EPHA5: variants seen among roughly 807,000 people sequenced by gnomAD.
The protein encoded by EPHA5 is ephrin type-A receptor 5.
In EPHA5, 60 loss-of-function variants were observed where a neutral mutation model predicts 105.0. That is an observed-to-expected ratio of 0.57 (90% CI 0.46 to 0.71). EPHA5 has a LOEUF of 0.71. Ranked by LOEUF, EPHA5 falls within the 30% of genes least tolerant of loss-of-function variation. EPHA5 has a pLI of 0.00. For synonymous variants in EPHA5, 513 were observed against 449.1 expected, an observed-to-expected ratio of 1.14 and a Z score of -1.80; for missense variants, 1,218 against 1,274.7, an observed-to-expected ratio of 0.96 and a Z score of 0.68.
chr4:65,418,295 C>T (rs1463166659), intron 6 of EPHA5, among the ~76,000 whole-genome samples: 1 of 152,074 alleles, frequency 6.6e-6, no homozygotes, highest in African/African-American at 2.4e-5. Flanking sequence ...AAATATAAAC[C>T]TTAATTTTAC....
Position 65,490,610 on chromosome 4 carries a change from G to A in EPHA5, c.1169C>T (p.Ser390Leu), listed in dbSNP as rs1301461151. The A allele has an allele frequency of 6.2e-7, 1 of 1,614,000 alleles. No individual in the cohort carries two copies. ...GCACTTCTTGCATGCAATATAATAT[G>A]ACACGTCTTTCCTTCCACCAGTGTC... ...PADTGGRKDV[S>L]YYIACKKCNS... The change falls in exon 5 of 17, where the codon TCA becomes TTA. Residue 390 changes from serine (S) to leucine (L), a missense_variant. By Grantham distance (145) the Ser-to-Leu change is moderately radical (BLOSUM62 -2). This residue lies in a region of EPHA5 where 971 missense variants were observed against 1,013.5 expected (regional missense o/e 0.96). Coordinates refer to ENST00000613740, the MANE Select transcript of EPHA5 (RefSeq NM_001281766.3).
chr4:65,330,158 T>A (rs146174657), intron 16 of EPHA5, among the ~76,000 whole-genome samples: 1 of 151,350 alleles, frequency 6.6e-6, no homozygotes, highest in Non-Finnish European at 1.5e-5. Context: ...AGTCTCCCAA[T>A]GTAACTTTAC....
chr4:65,623,662 A>G (rs763754424), intron 2 of EPHA5, among the ~76,000 whole-genome samples: 27 of 152,284 alleles, frequency 1.8e-4, no homozygotes, highest in Admixed American at 3.3e-4. Flanking sequence ...CTGCACAAAG[A>G]CTGAGTCATT....
At chr4:65,485,646 G>A (rs1167977672) in intron 5 of EPHA5, among the ~76,000 whole-genome samples, 3 of 152,064 alleles carry the variant, frequency 2.0e-5, no homozygotes, top group Non-Finnish European at 2.9e-5. Flanking sequence ...TCAGCCTAAT[G>A]CAAAATTTTC....
intron 14 of EPHA5, 21 bp from the exon 15 acceptor site, chr4:65,336,146 C>T (rs2148814299): frequency 3.8e-6 from 6 of 1,568,512 alleles, no homozygotes; most frequent in South Asian, 1.2e-5. Context: ...CAAAACAGAA[C>T]CAGCACCCCA....
At chr4:65,481,644 C>T (rs1002777983) in intron 5 of EPHA5, among the ~76,000 whole-genome samples, 18 of 152,142 alleles carry the variant, frequency 1.2e-4, no homozygotes, top group African/African-American at 4.3e-4. Flanking sequence ...AGCCAATTAT[C>T]TAGTTAATAC....
At chr4:65,349,354 C>T (rs1393721134) in intron 13 of EPHA5, among the ~76,000 whole-genome samples, 1 of 151,906 alleles carries the variant, frequency 6.6e-6, no homozygotes, top group African/African-American at 2.4e-5. Context: ...TGGAGACTTT[C>T]TCTTAGTTCA....
At chr4:65,517,047 T>C (rs1271830500) in intron 3 of EPHA5, among the ~76,000 whole-genome samples, 1 of 152,132 alleles carries the variant, frequency 6.6e-6, no homozygotes, top group Non-Finnish European at 1.5e-5. Context: ...GTTGTATCAA[T>C]TACTTAGAGA....
At chr4:65,639,967 G>A (rs188712916) in intron 2 of EPHA5, among the ~76,000 whole-genome samples, 7 of 152,124 alleles carry the variant, frequency 4.6e-5, no homozygotes, top group African/African-American at 1.7e-4. Context: ...ATTATACATT[G>A]CTCTTACATT....
At position 65,321,467 on chromosome 4, in the gene EPHA5, T is replaced by A. The variant is rs1460997959; in HGVS notation, c.*2647A>T. 1 of 229,832 alleles carries A rather than the reference T, an allele frequency of 4.4e-6. No homozygotes were observed. Among genetic ancestry groups the A allele is most frequent in the Non-Finnish European group, 8.6e-6 (1 of 115,872 alleles). The allele number at this position is 229,832 out of a possible 1,614,324, so 14.2% of individuals were successfully genotyped here. ...ACATATACAATAGGAAACAAATATTTTAGGAAGGCATTCTTTCCTCTTTTT... is the reference window on the plus strand; with the variant it reads ...ACATATACAATAGGAAACAAATATTATAGGAAGGCATTCTTTCCTCTTTTT... On this transcript the variant is annotated 3_prime_UTR_variant, in exon 17 of 17. Coordinates refer to ENST00000613740, the MANE Select transcript of EPHA5 (RefSeq NM_001281766.3).
At chr4:65,538,736 T>G (rs947329896) in intron 3 of EPHA5, among the ~76,000 whole-genome samples, 1 of 151,660 alleles carries the variant, frequency 6.6e-6, no homozygotes, top group African/African-American at 2.4e-5. Context: ...GACTTTCCAG[T>G]AGATGTGAAC....
intron 2 of EPHA5, 65 bp from the exon 3 acceptor site, chr4:65,602,369 CA>C (rs1199705638): frequency 7.6e-7 from 1 of 1,310,938 alleles, no homozygotes; most frequent in East Asian, 2.4e-5. Flanking sequence ...GGAACTATAG[CA>C]AAAATTATAA....
chr4:65,485,703 T>G (rs1362864299), intron 5 of EPHA5, among the ~76,000 whole-genome samples: 1 of 152,168 alleles, frequency 6.6e-6, no homozygotes, highest in Non-Finnish European at 1.5e-5. Flanking sequence ...TGAATCCAAT[T>G]TTGAATCTGG....
Position 65,323,579 on chromosome 4 carries a change from C to T in EPHA5, c.*535G>A, listed in dbSNP as rs978608207. 4 of 230,064 alleles carry T rather than the reference C, an allele frequency of 1.7e-5. No homozygotes were observed. Among genetic ancestry groups the T allele is most frequent in the Non-Finnish European group, 3.4e-5 (4 of 116,104 alleles). The allele number at this position is 230,064 out of a possible 1,614,324, so 14.3% of individuals were successfully genotyped here. On this transcript the variant is annotated 3_prime_UTR_variant, in exon 17 of 17. Coordinates refer to ENST00000613740, the MANE Select transcript of EPHA5 (RefSeq NM_001281766.3). ...TTACACACTAGTTTCTATAACTTAA[C>T]GCTGTGTAACAGCATTTTAAAATTA...
chr4:65,328,315 T>A (rs1445316036), intron 16 of EPHA5, among the ~76,000 whole-genome samples: 1 of 151,254 alleles, frequency 6.6e-6, no homozygotes, highest in Non-Finnish European at 1.5e-5. Flanking sequence ...CAGTATTTTT[T>A]CAAACATTAT....
chr4:65,368,805 T>C (rs1718176194), intron 8 of EPHA5, among the ~76,000 whole-genome samples: 1 of 152,188 alleles, frequency 6.6e-6, no homozygotes, highest in Admixed American at 6.6e-5. Flanking sequence ...TCACATGTAC[T>C]AAATTTTCTC....
At chr4:65,631,602 C>T (rs1287149462) in intron 2 of EPHA5, among the ~76,000 whole-genome samples, 1 of 152,004 alleles carries the variant, frequency 6.6e-6, no homozygotes, top group Non-Finnish European at 1.5e-5. Context: ...ACACTGAGTC[C>T]TCAATATGGG....
intron 12 of EPHA5, among the ~76,000 whole-genome samples, chr4:65,352,134 G>A (rs548131977): frequency 1.3e-5 from 2 of 152,064 alleles, no homozygotes; most frequent in South Asian, 4.1e-4. Flanking sequence ...TAACTCATAA[G>A]GCTCAATGGA....
At chr4:65,407,301 A>G (rs1222446419) in intron 7 of EPHA5, among the ~76,000 whole-genome samples, 4 of 152,086 alleles carry the variant, frequency 2.6e-5, no homozygotes, top group African/African-American at 7.2e-5. Flanking sequence ...AGAGTCCACA[A>G]TTACTCAGAA....
Sources: gnomAD v4.1 joint callset for allele counts (sites outside exome capture counted in the v4.1 genomes callset) on GRCh38, gnomAD v4.1.1 for gene constraint, gnomAD v4.1.1 regional missense constraint, MANE v1.5 for transcripts, NCBI Gene and HGNC (gene_info 2026-07-23, HGNC 2026-07-21) for gene names.